Variants in FAM78B observed in about 807,000 individuals in gnomAD.
FAM78B encodes protein FAM78B.
FAM78B carries 10 observed loss-of-function variants against 20.0 expected under a neutral mutation model. That is an observed-to-expected ratio of 0.50 (90% CI 0.31 to 0.85). The LOEUF is 0.85. Ranked by LOEUF, FAM78B falls within the 40% of genes least tolerant of loss-of-function variation. The pLI is 0.05. For synonymous variants in FAM78B, 135 were observed against 132.8 expected, an observed-to-expected ratio of 1.02 and a Z score of -0.12; for missense variants, 283 against 345.0, an observed-to-expected ratio of 0.82 and a Z score of 1.42.
intron 1 of FAM78B, among the ~76,000 whole-genome samples, chr1:166,072,877 T>G (rs1652104609): frequency 6.6e-6 from 1 of 152,226 alleles, no homozygotes; most frequent in Admixed American, 6.5e-5. Context: ...ACACAGTCCT[T>G]TTCAGGCTAT....
intron 1 of FAM78B, among the ~76,000 whole-genome samples, chr1:166,152,675 T>G (rs1469695944): frequency 1.3e-5 from 2 of 150,422 alleles, no homozygotes; most frequent in African/African-American, 5.0e-5. Flanking sequence ...TTTATTTATT[T>G]ATTTATTTAT....
chr1:166,070,469 C>T lies in FAM78B; in HGVS notation c.558G>A (p.Leu186=). The change falls in exon 2 of 2, where the codon CTG becomes CTA. Residue 186 remains leucine, a synonymous_variant. Coordinates refer to ENST00000354422, the MANE Select transcript of FAM78B (RefSeq NM_001017961.5). ...CCCTCATCCTCCACTTGATGGTCTG[C>T]AGAATGATCTTCTCCTTTGTGGTGG... is the stretch of plus-strand genomic sequence containing the variant. ...MNTTTKEKII[L]QTIKWRMRVD... 6.2e-7 allele frequency: 1 copy of T among 1,614,214 alleles called. No individual in the cohort carries two copies. The highest frequency in any genetic ancestry group is 8.5e-7 in the Non-Finnish European group (1 of 1,180,032).
At chr1:166,135,054 T>C (rs541265235) in intron 1 of FAM78B, among the ~76,000 whole-genome samples, 1 of 152,176 alleles carries the variant, frequency 6.6e-6, no homozygotes, top group Non-Finnish European at 1.5e-5. Context: ...GGTATGTTAC[T>C]ATGCAAACAC....
chr1:166,137,488 G>GT (rs1655109997), intron 1 of FAM78B, among the ~76,000 whole-genome samples: 1 of 129,554 alleles, frequency 7.7e-6, no homozygotes, highest in African/African-American at 2.8e-5. Context: ...ATTCTTGACT[G>GT]TAAGTCCAGT....
intron 1 of FAM78B, among the ~76,000 whole-genome samples, chr1:166,097,856 C>T (rs1391881959): frequency 3.3e-5 from 5 of 152,084 alleles, no homozygotes; most frequent in African/African-American, 7.2e-5. Flanking sequence ...CTGCCCACCA[C>T]CAGTTCCTCC....
Position 166,109,890 on chromosome 1 carries a change from G to GTATATA in FAM78B, c.264-39133_264-39128dup, listed in dbSNP as rs1200752162. 4.0e-3 allele frequency among the ~76,000 whole-genome samples: 93 copies of GTATATA among 23,180 alleles called. 9 individuals carry two copies. The highest frequency in any genetic ancestry group is 0.062 in the Middle Eastern group (2 of 32). The allele number at this position is 23,180 out of a possible 152,430, so 15.2% of individuals were successfully genotyped here. On this transcript the variant is annotated intron_variant, in intron 1 of 1. Transcript: ENST00000354422. ...TGTGTATATATATATATGTATATAT[G>GTATATA]TATATATATATATATATATATATAT...
downstream of FAM78B, among the ~76,000 whole-genome samples, chr1:166,067,145 G>A (rs1651826085): frequency 6.6e-6 from 1 of 152,056 alleles, no homozygotes; most frequent in African/African-American, 2.4e-5. Flanking sequence ...ATAATGTTTT[G>A]GTTGGAGACA....
At chr1:166,158,337 GATAA>G (rs1324617386) in intron 1 of FAM78B, among the ~76,000 whole-genome samples, 3 of 152,168 alleles carry the variant, frequency 2.0e-5, no homozygotes, top group East Asian at 1.9e-4. Context: ...TAGACGGATA[GATAA>G]ATAAATAAAT....
At position 166,166,065 on chromosome 1, in the gene FAM78B, G is replaced by T. The variant is rs765905771; in HGVS notation, c.184C>A (p.Arg62Ser). Residue 62 changes from arginine (R) to serine (S), a missense_variant, in exon 1 of 2, where the codon CGC becomes AGC. Coordinates refer to ENST00000354422, the MANE Select transcript of FAM78B (RefSeq NM_001017961.5). ...SARVVMPPIP[R>S]HETWVVGWIQ... ...CAGCCCACCACCCAGGTCTCGTGGC[G>T]GGGGATGGGGGGCATGACCACGCGG... The T allele has an allele frequency of 1.9e-6, 3 of 1,613,784 alleles. No homozygotes were observed. Among genetic ancestry groups the T allele is most frequent in the Non-Finnish European group, 2.5e-6 (3 of 1,180,000 alleles).
At chr1:166,162,768 C>CA (rs993477891) in intron 1 of FAM78B, among the ~76,000 whole-genome samples, 4 of 152,180 alleles carry the variant, frequency 2.6e-5, no homozygotes, top group Non-Finnish European at 5.9e-5. Context: ...AGCTACCTTT[C>CA]AAACCTCATC....
rs1240819628 is a variant in FAM78B, at chr1:166,077,949, T to A, written c.264-7186A>T. On this transcript the variant is annotated intron_variant, in intron 1 of 1. Coordinates refer to ENST00000354422, the MANE Select transcript of FAM78B (RefSeq NM_001017961.5). ...TAAATATATAATAATATATATAATT[T>A]ATATATATAATTATATATATAATAA... Among the ~76,000 whole-genome samples the A allele has an allele frequency of 7.6e-3, 91 of 11,916 alleles. 10 individuals are homozygous for A. Among genetic ancestry groups the A allele is most frequent in the Middle Eastern group, 0.062 (1 of 16 alleles). The allele number at this position is 11,916 out of a possible 152,430, so 7.8% of individuals were successfully genotyped here.
chr1:166,109,814 G>GTGTATA (rs1553219345), intron 1 of FAM78B, among the ~76,000 whole-genome samples: 1,139 of 32,628 alleles, frequency 0.035, 154 homozygotes, highest in African/African-American at 0.1. Context: ...ATGTATATAT[G>GTGTATA]TATATATATA....
At chr1:166,152,710 G>A (rs1032614192) in intron 1 of FAM78B, among the ~76,000 whole-genome samples, 6 of 150,018 alleles carry the variant, frequency 4.0e-5, no homozygotes, top group South Asian at 2.1e-4. Context: ...ATGGAATCTC[G>A]CTCTGTCACC....
intron 1 of FAM78B, among the ~76,000 whole-genome samples, chr1:166,163,251 C>CAAATGAGAAATAAATAAATAA (rs1656226981): frequency 6.6e-6 from 1 of 152,190 alleles, no homozygotes; most frequent in African/African-American, 2.4e-5. Context: ...AAATAGGTGC[C>CAAATGAGAAATAAATAAATAA]ACAACTCTTC....
At chr1:166,073,528 CTT>C (rs550819067) in intron 1 of FAM78B, among the ~76,000 whole-genome samples, 2,215 of 141,966 alleles carry the variant, frequency 0.016, 54 homozygotes, top group African/African-American at 0.057. Context: ...CTTCCTTTCT[CTT>C]TCTCTCTTTT....
intron 1 of FAM78B, among the ~76,000 whole-genome samples, chr1:166,091,392 G>GATA (rs1653066709): frequency 6.6e-6 from 1 of 152,136 alleles, no homozygotes. Flanking sequence ...TTCTCATGAT[G>GATA]GTGAATAAGT....
chr1:166,094,003 C>CTG (rs58213930), intron 1 of FAM78B, among the ~76,000 whole-genome samples: 3,655 of 125,386 alleles, frequency 0.029, 82 homozygotes, highest in East Asian at 0.066. Flanking sequence ...TTGCGAATGA[C>CTG]TGTGTGTGTG....
At chr1:166,121,242 T>C (rs1441044524) in intron 1 of FAM78B, among the ~76,000 whole-genome samples, 2 of 152,052 alleles carry the variant, frequency 1.3e-5, no homozygotes, top group African/African-American at 4.8e-5. Context: ...ATGCATATGG[T>C]CCTGGGGACT....
At chr1:166,067,604 CCTGA>C (rs1041628656), downstream of FAM78B, among the ~76,000 whole-genome samples, 91 of 152,202 alleles carry the variant, frequency 6.0e-4, no homozygotes, top group African/African-American at 1.8e-3. Context: ...TTGGCAATAT[CCTGA>C]CTAAGCTGAA....
Sources: allele counts gnomAD v4.1 joint callset (sites outside exome capture counted in the v4.1 genomes callset), GRCh38; gene constraint gnomAD v4.1.1; transcripts MANE v1.5; gene names NCBI Gene and HGNC (gene_info 2026-07-23, HGNC 2026-07-21).